ERBB4: variants seen among roughly 807,000 people sequenced by gnomAD.
The protein encoded by ERBB4 is receptor tyrosine-protein kinase erbB-4.
Under a neutral mutation model 158.0 loss-of-function variants are expected in ERBB4, and 42 were observed. That is an observed-to-expected ratio of 0.27 (90% CI 0.21 to 0.34). The LOEUF (loss-of-function observed/expected upper bound fraction) is 0.34. Among genes scored for constraint, ERBB4 ranks in the 10% least tolerant of loss-of-function variants. The pLI is 1.00. For synonymous variants in ERBB4, 583 were observed against 558.7 expected (o/e 1.04, Z -0.61); for missense variants, 1,333 against 1,624.1 (o/e 0.82, Z 3.08).
intron 13 of ERBB4, among the ~76,000 whole-genome samples, chr2:211,678,341 T>G (rs902088013): frequency 6.7e-6 from 1 of 148,562 alleles, no homozygotes. Flanking sequence ...ACAAGAAAAC[T>G]TGCACTCCAG....
At chr2:212,145,528 C>T (rs1170389860) in intron 1 of ERBB4, among the ~76,000 whole-genome samples, 4 of 152,076 alleles carry the variant, frequency 2.6e-5, no homozygotes, top group South Asian at 2.1e-4. Flanking sequence ...TTTAAATGAC[C>T]TTAAGACTTT....
At position 211,609,380 on chromosome 2, in the gene ERBB4, C is replaced by T. The variant is rs531465499; in HGVS notation, c.2301+9797G>A. ...AGAAATCAACAAGAATTTAGACAGA[C>T]AGGCCTTGCTGGGTTTCCTCACTCA... On this transcript the variant is annotated intron_variant, in intron 19 of 27. Coordinates refer to ENST00000342788, the MANE Select transcript of ERBB4 (RefSeq NM_005235.3). Among the ~76,000 whole-genome samples, 194 of 152,170 alleles carry T rather than the reference C, an allele frequency of 1.3e-3. 1 individual carries two copies. Among genetic ancestry groups the T allele is most frequent in the Middle Eastern group, 3.4e-3 (1 of 294 alleles).
chr2:211,884,337 G>A lies in ERBB4; in HGVS notation c.421+63093C>T, dbSNP rs556817095. On this transcript the variant is annotated intron_variant, in intron 3 of 27. Coordinates refer to ENST00000342788, the MANE Select transcript of ERBB4 (RefSeq NM_005235.3). ...TACCCTGGACTCTGAAACATGGCAC[G>A]TCTAGTTGTCTCTCCAACATCCAGT... 9.2e-5 allele frequency among the ~76,000 whole-genome samples: 14 copies of A among 152,150 alleles called. No individual in the cohort carries two copies. In the South Asian group the frequency reaches 2.1e-3, roughly 23 times the overall value.
intron 3 of ERBB4, among the ~76,000 whole-genome samples, chr2:211,838,599 A>G (rs2105991746): frequency 1.3e-5 from 2 of 152,210 alleles, no homozygotes; most frequent in Middle Eastern, 6.8e-3. Flanking sequence ...TCCTTATTGC[A>G]GTTTCAGGCA....
intron 3 of ERBB4, among the ~76,000 whole-genome samples, chr2:211,944,341 A>G (rs1380598579): frequency 6.6e-6 from 1 of 151,108 alleles, no homozygotes; most frequent in Non-Finnish European, 1.5e-5. Flanking sequence ...ACTTAAAAAT[A>G]AAATTTTGCT....
chr2:211,441,153 A>G (rs2063965363), intron 20 of ERBB4, among the ~76,000 whole-genome samples: 1 of 152,048 alleles, frequency 6.6e-6, no homozygotes, highest in Non-Finnish European at 1.5e-5. Context: ...TTTGACACAC[A>G]TCCTTGTTTC....
In ERBB4 at chr2:211,905,681, T is replaced by TAC. The variant is rs1553663425; in HGVS notation, c.421+41747_421+41748dup. The stretch of plus-strand genomic sequence containing the variant: ...ATATATATATATATATATATATATA[T>TAC]ACACACATATATGTGTGTGTATGTG... On this transcript the variant is annotated intron_variant, in intron 3 of 27. Coordinates refer to ENST00000342788, the MANE Select transcript of ERBB4 (RefSeq NM_005235.3). Among the ~76,000 whole-genome samples the TAC allele has an allele frequency of 1.8e-3, 199 of 110,606 alleles. 1 individual carries two copies. Among genetic ancestry groups the TAC allele is most frequent in the East Asian group, 3.4e-3 (15 of 4,348 alleles). 72.6% of individuals were successfully genotyped at this position (110,606 alleles called of 152,430 possible).
At chr2:212,264,745 G>A (rs554621443) in intron 1 of ERBB4, among the ~76,000 whole-genome samples, 17 of 151,990 alleles carry the variant, frequency 1.1e-4, no homozygotes, top group East Asian at 3.9e-4. Context: ...AAAAAGCACC[G>A]TGAATATTAT....
intron 2 of ERBB4, among the ~76,000 whole-genome samples, chr2:212,087,227 T>C (rs2078642942): frequency 6.6e-6 from 1 of 151,758 alleles, no homozygotes; most frequent in Non-Finnish European, 1.5e-5. Flanking sequence ...AAACTAAACT[T>C]CACTAAATAG....
intron 2 of ERBB4, among the ~76,000 whole-genome samples, chr2:211,999,354 C>T (rs1429061396): frequency 6.6e-6 from 1 of 151,696 alleles, no homozygotes; most frequent in Admixed American, 6.6e-5. Flanking sequence ...AGAATTCATG[C>T]TCTTGGGGCA....
chr2:212,015,969 T>C (rs1217808680), intron 2 of ERBB4, among the ~76,000 whole-genome samples: 2 of 150,904 alleles, frequency 1.3e-5, no homozygotes, highest in African/African-American at 2.5e-5. Context: ...AATAGAGCAT[T>C]CCCTAAATAA....
chr2:211,934,185 T>C (rs886592833), intron 3 of ERBB4, among the ~76,000 whole-genome samples: 31 of 152,086 alleles, frequency 2.0e-4, no homozygotes, highest in African/African-American at 7.2e-4. Context: ...GCTGTAAATA[T>C]GTACAAAACC....
At chr2:211,660,262 T>C (rs983113599) in intron 15 of ERBB4, among the ~76,000 whole-genome samples, 3 of 152,218 alleles carry the variant, frequency 2.0e-5, no homozygotes, top group African/African-American at 7.2e-5. Context: ...TGGATACTAG[T>C]CAGCTGGCAG....
At chr2:212,297,244 A>G (rs902479723) in intron 1 of ERBB4, among the ~76,000 whole-genome samples, 1 of 152,032 alleles carries the variant, frequency 6.6e-6, no homozygotes, top group African/African-American at 2.4e-5. Flanking sequence ...TATCCAATAA[A>G]ACAGTTTTGG....
rs192793224 is a variant in ERBB4, at chr2:211,671,039, C to A, written c.1716+2125G>T. ...GAAAAAAATATGGTGTCTTACTATG[C>A]AACATTTAAGCAGATTAGTTTTTTG... On this transcript the variant is annotated intron_variant, in intron 14 of 27. Coordinates refer to ENST00000342788, the MANE Select transcript of ERBB4 (RefSeq NM_005235.3). Among the ~76,000 whole-genome samples the A allele has an allele frequency of 7.9e-4, 120 of 152,082 alleles. 4 individuals carry two copies. Among genetic ancestry groups the A allele is most frequent in the Admixed American group, 6.3e-3 (96 of 15,266 alleles).
At chr2:212,152,943 T>G (rs2080918673) in intron 1 of ERBB4, among the ~76,000 whole-genome samples, 1 of 152,150 alleles carries the variant, frequency 6.6e-6, no homozygotes. Flanking sequence ...TTCCACAGTT[T>G]CCACATTTTA....
chr2:211,566,054 G>T (rs2067536163), intron 19 of ERBB4, among the ~76,000 whole-genome samples: 1 of 152,212 alleles, frequency 6.6e-6, no homozygotes, highest in African/African-American at 2.4e-5. Flanking sequence ...ATGACTGGAA[G>T]TTCCGGGTGC....
intron 1 of ERBB4, among the ~76,000 whole-genome samples, chr2:212,431,319 A>C (rs1332102286): frequency 1.3e-5 from 2 of 151,144 alleles, no homozygotes; most frequent in Non-Finnish European, 2.9e-5. Flanking sequence ...AAAAAAAAAA[A>C]AAAAAAAAAA....
At chr2:212,467,775 C>T (rs986691511) in intron 1 of ERBB4, among the ~76,000 whole-genome samples, 12 of 152,192 alleles carry the variant, frequency 7.9e-5, no homozygotes, top group Non-Finnish European at 4.4e-5. Context: ...CACCGTCCTC[C>T]AGACCCCAGA....
Sources: allele counts gnomAD v4.1 joint callset (sites outside exome capture counted in the v4.1 genomes callset), GRCh38; gene constraint gnomAD v4.1.1; transcripts MANE v1.5; gene names NCBI Gene and HGNC (gene_info 2026-07-23, HGNC 2026-07-21).